TMEM45A: variants seen among roughly 807,000 people sequenced by gnomAD.
The protein encoded by TMEM45A is transmembrane protein 45A, also known as DNA polymerase-transactivated protein 4.
A neutral mutation model predicts 32.0 loss-of-function variants in TMEM45A; 25 were observed. The ratio of observed to expected loss-of-function variants is 0.78; its 90% CI spans 0.57 to 1.09. The LOEUF (loss-of-function observed/expected upper bound fraction) is 1.09, where lower values mean the gene tolerates loss of function less well. Ranked by LOEUF, TMEM45A falls within the 50% of genes least tolerant of loss-of-function variation. The probability of loss-of-function intolerance (pLI) is 0.00; values close to 1 mark genes in which losing one functional copy is unlikely to be tolerated. For missense variants in TMEM45A, 302 were observed against 325.0 expected (o/e 0.93, Z 0.54); for synonymous variants, 122 against 114.8 (o/e 1.06, Z -0.40).
At chr3:100,546,784 T>C (rs1467257495) in intron 1 of TMEM45A, among the ~76,000 whole-genome samples, 1 of 152,212 alleles carries the variant, frequency 6.6e-6, no homozygotes, top group East Asian at 1.9e-4. Flanking sequence ...GACCCTTTGA[T>C]GGGGCCATTG....
At chr3:100,564,334 C>G (rs1706385218) in intron 4 of TMEM45A, among the ~76,000 whole-genome samples, 2 of 152,172 alleles carry the variant, frequency 1.3e-5, no homozygotes, top group African/African-American at 4.8e-5. Context: ...CTGCATGCTT[C>G]CACTCATGTT....
intron 5 of TMEM45A, chr3:100,572,668 C>T (rs1159690773): frequency 6.6e-6 from 1 of 152,098 alleles, no homozygotes; most frequent in Non-Finnish European, 1.5e-5. Flanking sequence ...GACATGAAGT[C>T]CTTGCCCATG....
chr3:100,505,460 T>G (rs1576257501), intron 1 of TMEM45A, among the ~76,000 whole-genome samples: 1 of 152,336 alleles, frequency 6.6e-6, no homozygotes, highest in Admixed American at 6.5e-5. Flanking sequence ...TGGCAACAAT[T>G]CTCACATTTT....
intron 1 of TMEM45A, among the ~76,000 whole-genome samples, chr3:100,550,057 A>T (rs1408742010): frequency 1.7e-5 from 1 of 60,044 alleles, no homozygotes; most frequent in African/African-American, 6.9e-5. Context: ...GGGTGGGGGG[A>T]GGGGGGAGGG....
At position 100,542,079 on chromosome 3, in the gene TMEM45A, G is replaced by C. The variant is rs1236558234; in HGVS notation, c.-3-13130G>C. ...TTATAGTAAAGTTTGAAGTTGGTCA[G>C]ATAATGTGATGTCTCTGGCTTTGTT... is the stretch of plus-strand genomic sequence containing the variant. On this transcript the variant is annotated intron_variant, in intron 1 of 5. Coordinates refer to ENST00000323523, the MANE Select transcript of TMEM45A (RefSeq NM_018004.3). Among the ~76,000 whole-genome samples, 4 of 152,182 alleles carry C rather than the reference G, an allele frequency of 2.6e-5. No homozygotes were observed. The East Asian group carries it at 7.7e-4, about 29-fold the overall frequency.
At chr3:100,568,355 A>G (rs892569191) in intron 4 of TMEM45A, among the ~76,000 whole-genome samples, 1 of 152,230 alleles carries the variant, frequency 6.6e-6, no homozygotes, top group African/African-American at 2.4e-5. Flanking sequence ...TGCTCTAGCT[A>G]AGATTTTCAG....
intron 1 of TMEM45A, chr3:100,519,369 TTGTG>T (rs921350088): frequency 6.2e-5 from 32 of 518,732 alleles, no homozygotes; most frequent in Non-Finnish European, 8.4e-5. Context: ...TGCATACAGG[TTGTG>T]TGTGTGTGTG....
chr3:100,513,351 A>G (rs1162227766), intron 1 of TMEM45A, among the ~76,000 whole-genome samples: 5 of 152,112 alleles, frequency 3.3e-5, no homozygotes, highest in Admixed American at 6.5e-5. Flanking sequence ...AATCCAGCAT[A>G]TAAACAGAAC....
Position 100,533,090 on chromosome 3 carries a change from A to G in TMEM45A, c.-3-22119A>G, listed in dbSNP as rs529208215. ...TGCATGTAAAATGTCTTGGTACATA[A>G]TAGGAGCCCAGTCATTACTGGCCTC... On this transcript the variant is annotated intron_variant, in intron 1 of 5. Coordinates refer to ENST00000323523, the MANE Select transcript of TMEM45A (RefSeq NM_018004.3). Among the ~76,000 whole-genome samples, 3 of 152,272 alleles carry G rather than the reference A, an allele frequency of 2.0e-5. No individual in the cohort carries two copies. In the East Asian group the frequency reaches 5.8e-4, roughly 29 times the overall value.
chr3:100,536,248 G>A (rs1705737571), intron 1 of TMEM45A, among the ~76,000 whole-genome samples: 1 of 152,144 alleles, frequency 6.6e-6, no homozygotes, highest in Non-Finnish European at 1.5e-5. Flanking sequence ...GATCAGTGTT[G>A]CTCAAACTTT....
intron 1 of TMEM45A, among the ~76,000 whole-genome samples, chr3:100,506,918 G>GA (rs1708087555): frequency 1.3e-5 from 2 of 152,194 alleles, no homozygotes; most frequent in Admixed American, 1.3e-4. Context: ...AAGCCCTTTG[G>GA]AACCCAACAG....
At chr3:100,518,379 G>C (rs185674254) in intron 1 of TMEM45A, among the ~76,000 whole-genome samples, 10 of 152,236 alleles carry the variant, frequency 6.6e-5, no homozygotes, top group African/African-American at 1.9e-4. Flanking sequence ...TTAACAGAAG[G>C]TTTGCAGAGG....
intron 5 of TMEM45A, chr3:100,571,105 ACT>A (rs1470914833): frequency 6.6e-6 from 1 of 151,016 alleles, no homozygotes; most frequent in Non-Finnish European, 1.5e-5. Context: ...AACTTCTTAC[ACT>A]CTTTCTTGGT....
chr3:100,571,038 C>A (rs187551080), intron 5 of TMEM45A: 1 of 151,946 alleles, frequency 6.6e-6, no homozygotes, highest in African/African-American at 2.4e-5. Context: ...AGCAACTATG[C>A]GGTTTACAAA....
chr3:100,517,856 C>T (rs1405848241), intron 1 of TMEM45A, among the ~76,000 whole-genome samples: 1 of 152,146 alleles, frequency 6.6e-6, no homozygotes, highest in East Asian at 1.9e-4. Context: ...TGGAAAAAGC[C>T]GTTCTTACGT....
At chr3:100,493,848 C>T (rs1181775020) in intron 1 of TMEM45A, among the ~76,000 whole-genome samples, 3 of 152,152 alleles carry the variant, frequency 2.0e-5, no homozygotes, top group African/African-American at 7.2e-5. Flanking sequence ...TCTCCTGACT[C>T]AGCCTCCCAA....
intron 1 of TMEM45A, among the ~76,000 whole-genome samples, chr3:100,525,545 T>C (rs1705525787): frequency 6.6e-6 from 1 of 152,166 alleles, no homozygotes; most frequent in Non-Finnish European, 1.5e-5. Context: ...CAAGTTTCTA[T>C]GGAAAGGAAA....
chr3:100,566,561 A>G (rs750165963), intron 4 of TMEM45A, among the ~76,000 whole-genome samples: 3 of 151,952 alleles, frequency 2.0e-5, no homozygotes, highest in Non-Finnish European at 4.4e-5. Context: ...CCTCATTTTC[A>G]TGTATTATTA....
intron 1 of TMEM45A, chr3:100,519,369 T>G: frequency 1.9e-6 from 1 of 518,976 alleles, no homozygotes; most frequent in South Asian, 2.5e-5. Context: ...TGCATACAGG[T>G]TGTGTGTGTG....
Sources: gnomAD v4.1 joint callset for allele counts (sites outside exome capture counted in the v4.1 genomes callset) on GRCh38, gnomAD v4.1.1 for gene constraint, MANE v1.5 for transcripts, NCBI Gene and HGNC (gene_info 2026-07-23, HGNC 2026-07-21) for gene names.